DSCAM: variants seen among roughly 807,000 people sequenced by gnomAD.
The protein encoded by DSCAM is DS cell adhesion molecule.
In DSCAM, 47 loss-of-function variants were observed where a neutral mutation model predicts 217.7. That is an observed-to-expected ratio of 0.22 (90% CI 0.17 to 0.28). The LOEUF is 0.28. Among genes scored for constraint, DSCAM ranks in the 10% least tolerant of loss-of-function variants. The pLI, the probability that DSCAM is intolerant of heterozygous loss-of-function variation, is 1.00. For missense variants in DSCAM, 2,080 were observed against 2,618.3 expected (o/e 0.79, Z 4.49); for synonymous variants, 1,056 against 1,015.3 (o/e 1.04, Z -0.76).
intron 3 of DSCAM, among the ~76,000 whole-genome samples, chr21:40,555,833 T>G (rs2076667192): frequency 6.6e-6 from 1 of 152,042 alleles, no homozygotes; most frequent in Non-Finnish European, 1.5e-5. Flanking sequence ...GATGGGGTCT[T>G]GCTATGTTGT....
At chr21:40,506,176 G>GA (rs1208353187) in intron 3 of DSCAM, among the ~76,000 whole-genome samples, 2 of 152,224 alleles carry the variant, frequency 1.3e-5, no homozygotes, top group Non-Finnish European at 2.9e-5. Context: ...TCTCAAAGAT[G>GA]AATGAGCATC....
At chr21:40,594,811 G>C (rs1331384878) in intron 3 of DSCAM, among the ~76,000 whole-genome samples, 3 of 152,182 alleles carry the variant, frequency 2.0e-5, no homozygotes, top group Admixed American at 1.3e-4. Flanking sequence ...TGTTACTCAG[G>C]GGAGGGGAGG....
At chr21:40,560,425 T>A (rs1461618636) in intron 3 of DSCAM, among the ~76,000 whole-genome samples, 1 of 152,152 alleles carries the variant, frequency 6.6e-6, no homozygotes, top group Admixed American at 6.5e-5. Context: ...ACGTTCCCCA[T>A]GTTCCCGGGG....
intron 30 of DSCAM, among the ~76,000 whole-genome samples, chr21:40,045,216 CATATTACTACTCATTGTTT>C (rs2088824964): frequency 6.6e-6 from 1 of 152,212 alleles, no homozygotes; most frequent in Non-Finnish European, 1.5e-5. Context: ...TTTTGTTTCT[CATATTACTACTCATTGTTT>C]TAATGATGAC....
rs1236012065 is a variant in DSCAM, at chr21:40,824,272, G to A, written c.43+22347C>T. 3.9e-5 allele frequency among the ~76,000 whole-genome samples: 6 copies of A among 152,124 alleles called. No individual in the cohort carries two copies. The South Asian group carries it at 6.2e-4, about 16-fold the overall frequency. ...CTGCTCTCCAATGTCTCTTATGTGCGGCAACCAAAATACTGCATTGATTGC... is the reference window on the plus strand; with the variant it reads ...CTGCTCTCCAATGTCTCTTATGTGCAGCAACCAAAATACTGCATTGATTGC... On this transcript the variant is annotated intron_variant, in intron 1 of 32. Coordinates refer to ENST00000400454, the MANE Select transcript of DSCAM (RefSeq NM_001389.5).
chr21:40,240,421 C>T (rs1445360863), intron 11 of DSCAM, among the ~76,000 whole-genome samples: 2 of 123,842 alleles, frequency 1.6e-5, no homozygotes, highest in African/African-American at 6.3e-5. Context: ...ATCTTGCATA[C>T]AGATAGATAG....
At chr21:40,505,822 C>T (rs2076205900) in intron 3 of DSCAM, among the ~76,000 whole-genome samples, 4 of 152,198 alleles carry the variant, frequency 2.6e-5, no homozygotes, top group Admixed American at 2.6e-4. Flanking sequence ...CCACTACACT[C>T]CCCATATCCA....
At chr21:40,760,631 T>TCAG (rs2091323399) in intron 1 of DSCAM, among the ~76,000 whole-genome samples, 1 of 152,228 alleles carries the variant, frequency 6.6e-6, no homozygotes, top group Non-Finnish European at 1.5e-5. Flanking sequence ...CAAGGAAGCC[T>TCAG]CAGCAGCTGT....
Position 40,781,486 on chromosome 21 carries a change from G to C in DSCAM, c.43+65133C>G, listed in dbSNP as rs144714130. Among the ~76,000 whole-genome samples, 15 of 152,312 alleles carry C rather than the reference G, an allele frequency of 9.8e-5. No homozygotes were observed. In the East Asian group the frequency reaches 2.9e-3, roughly 29 times the overall value. On this transcript the variant is annotated intron_variant, in intron 1 of 32. Transcript: ENST00000400454. The stretch of plus-strand genomic sequence containing the variant: ...AAGTACACAAGTCCACTTAGACACA[G>C]ATTTGTTTTCAACCACACGTAGCTT...
intron 3 of DSCAM, among the ~76,000 whole-genome samples, chr21:40,389,014 C>G (rs2075111240): frequency 6.6e-6 from 1 of 152,190 alleles, no homozygotes; most frequent in Non-Finnish European, 1.5e-5. Flanking sequence ...TAAGTTTACT[C>G]TTTCCCTCAA....
At chr21:40,072,106 T>A (rs924525134) in intron 27 of DSCAM, among the ~76,000 whole-genome samples, 14 of 152,178 alleles carry the variant, frequency 9.2e-5, no homozygotes, top group Non-Finnish European at 1.9e-4. Flanking sequence ...TTTATAGTTC[T>A]GAGTCTTAGA....
At chr21:40,033,608 C>T (rs1025738599) in intron 32 of DSCAM, among the ~76,000 whole-genome samples, 1 of 150,592 alleles carries the variant, frequency 6.6e-6, no homozygotes, top group African/African-American at 2.5e-5. Context: ...AGGGGGGCCC[C>T]CCATTGCCCA....
intron 1 of DSCAM, among the ~76,000 whole-genome samples, chr21:40,808,621 A>G (rs2123531349): frequency 6.6e-6 from 1 of 152,022 alleles, no homozygotes; most frequent in Non-Finnish European, 1.5e-5. Context: ...CTACAGGTGC[A>G]CCACCACCAT....
intron 1 of DSCAM, among the ~76,000 whole-genome samples, chr21:40,831,242 C>A (rs1342317480): frequency 1.3e-5 from 2 of 152,190 alleles, no homozygotes; most frequent in Non-Finnish European, 2.9e-5. Flanking sequence ...ATATGAGTAG[C>A]TGGCTTGAAC....
At chr21:40,100,235 A>G (rs919464787) in intron 20 of DSCAM, among the ~76,000 whole-genome samples, 1 of 152,160 alleles carries the variant, frequency 6.6e-6, no homozygotes, top group Non-Finnish European at 1.5e-5. Context: ...GAGAAAAAAG[A>G]AAAAAAGAGC....
At chr21:40,129,167 A>G (rs1440224597) in intron 19 of DSCAM, among the ~76,000 whole-genome samples, 1 of 152,172 alleles carries the variant, frequency 6.6e-6, no homozygotes, top group Non-Finnish European at 1.5e-5. Flanking sequence ...CATATGTGGT[A>G]CACCATGGTA....
At chr21:40,809,344 T>G (rs2091816683) in intron 1 of DSCAM, among the ~76,000 whole-genome samples, 1 of 152,038 alleles carries the variant, frequency 6.6e-6, no homozygotes, top group African/African-American at 2.4e-5. Context: ...AGACAGAAGC[T>G]GTTGACTGGG....
chr21:40,505,288 T>C (rs191515563), intron 3 of DSCAM, among the ~76,000 whole-genome samples: 361 of 152,308 alleles, frequency 2.4e-3, no homozygotes, highest in Non-Finnish European at 3.6e-3. Flanking sequence ...ATTTTTTTGT[T>C]GTTGCAGTTT....
chr21:40,275,637 TA>T (rs1423357311), intron 11 of DSCAM, among the ~76,000 whole-genome samples: 1 of 152,214 alleles, frequency 6.6e-6, no homozygotes, highest in Non-Finnish European at 1.5e-5. Context: ...CACTTGATTT[TA>T]AAATGATCCT....
Sources: gnomAD v4.1 joint callset for allele counts (sites outside exome capture counted in the v4.1 genomes callset) on GRCh38, gnomAD v4.1.1 for gene constraint, MANE v1.5 for transcripts, NCBI Gene and HGNC (gene_info 2026-07-23, HGNC 2026-07-21) for gene names.